Variants in QRSL1 observed in about 807,000 individuals in gnomAD.
QRSL1 encodes the protein glutaminyl-tRNA amidotransferase subunit QRSL1, also known as glutamyl-tRNA(Gln) amidotransferase subunit A, mitochondrial.
QRSL1 carries 54 observed loss-of-function variants against 61.6 expected under a neutral mutation model. The observed-to-expected ratio is 0.88, with a 90% CI of 0.70 to 1.10. The LOEUF is 1.10. Among genes scored for constraint, QRSL1 ranks in the 50% least tolerant of loss-of-function variants. The pLI, the probability that QRSL1 is intolerant of heterozygous loss-of-function variation, is 0.00. For missense variants in QRSL1, 505 were observed against 622.6 expected (o/e 0.81, Z 2.01); for synonymous variants, 228 against 225.7 (o/e 1.01, Z -0.09).
intron 9 of QRSL1, among the ~76,000 whole-genome samples, chr6:106,662,379 ATTAAT>A (rs1777371096): frequency 1.3e-5 from 2 of 152,170 alleles, no homozygotes; most frequent in South Asian, 2.1e-4. Flanking sequence ...ATTCGGATTG[ATTAAT>A]TTATATATAC....
intron 9 of QRSL1, among the ~76,000 whole-genome samples, chr6:106,662,489 CTTTT>C (rs34380610): frequency 7.0e-6 from 1 of 143,346 alleles, no homozygotes. Flanking sequence ...TCCAGTGGTT[CTTTT>C]TTTTTTTTTT....
In QRSL1 at chr6:106,646,253, A is replaced by G. The variant is rs1454052569; in HGVS notation, c.381-2772A>G. Reference sequence around the variant, plus strand: ...GGAAATTGCCTTCATCAGCTGATCAAAATTAACATCACCAGTGAGGGTGAA... The same window carrying G: ...GGAAATTGCCTTCATCAGCTGATCAGAATTAACATCACCAGTGAGGGTGAA... On this transcript the variant is annotated intron_variant, in intron 4 of 10. Coordinates refer to ENST00000369046, the MANE Select transcript of QRSL1 (RefSeq NM_018292.5). 2.6e-5 allele frequency among the ~76,000 whole-genome samples: 4 copies of G among 152,108 alleles called. No individual in the cohort carries two copies. The East Asian group carries it at 7.7e-4, about 29-fold the overall frequency.
intron 1 of QRSL1, among the ~76,000 whole-genome samples, chr6:106,630,805 A>AT (rs1310195914): frequency 1.3e-5 from 2 of 152,220 alleles, no homozygotes; most frequent in South Asian, 4.1e-4. Flanking sequence ...GCAGCGTGGA[A>AT]TTATAATTAT....
At chr6:106,664,028 C>A (rs1383882319) in intron 10 of QRSL1, among the ~76,000 whole-genome samples, 2 of 152,162 alleles carry the variant, frequency 1.3e-5, no homozygotes, top group Non-Finnish European at 2.9e-5. Flanking sequence ...CCCCTAAATT[C>A]TTTTGTACAA....
rs1776997051 is a variant in QRSL1, at chr6:106,640,277, C to T, written c.25-72C>T. 12 of 1,384,558 alleles carry T rather than the reference C, an allele frequency of 8.7e-6. No individual in the cohort carries two copies. The South Asian group carries it at 1.2e-4, about 14-fold the overall frequency. 85.8% of individuals were successfully genotyped at this position (1,384,558 alleles called of 1,614,324 possible). A position where few individuals can be genotyped will look rare whatever the true frequency, so the allele number is the denominator to read the frequency against. On this transcript the variant is annotated intron_variant, in intron 1 of 10. Coordinates refer to ENST00000369046, the MANE Select transcript of QRSL1 (RefSeq NM_018292.5). ...TTATACTTAGCCACTCCATCTCCCC[C>T]CACCCCCACCAATATAACAATTGAA...
chr6:106,638,259 T>C (rs1776954657), intron 1 of QRSL1, among the ~76,000 whole-genome samples: 1 of 152,152 alleles, frequency 6.6e-6, no homozygotes, highest in Non-Finnish European at 1.5e-5. Flanking sequence ...AACGCACTGC[T>C]CTCTTTTATT....
At chr6:106,647,713 C>T (rs56219495) in intron 4 of QRSL1, among the ~76,000 whole-genome samples, 1 of 120,802 alleles carries the variant, frequency 8.3e-6, no homozygotes, top group Admixed American at 9.2e-5. Flanking sequence ...TGCAGTGGCG[C>T]GATCTCGGCT....
intron 9 of QRSL1, among the ~76,000 whole-genome samples, chr6:106,657,185 C>T (rs1218507236): frequency 6.6e-6 from 1 of 151,988 alleles, no homozygotes; most frequent in African/African-American, 2.4e-5. Flanking sequence ...AGGAGAATCA[C>T]TTGAACCCGG....
intron 5 of QRSL1, among the ~76,000 whole-genome samples, chr6:106,650,715 A>T (rs1232203092): frequency 2.0e-5 from 3 of 152,198 alleles, no homozygotes; most frequent in Non-Finnish European, 4.4e-5. Flanking sequence ...TGCAGAACCC[A>T]TTTCTGTTAA....
At chr6:106,633,989 G>A (rs6933064) in intron 1 of QRSL1, among the ~76,000 whole-genome samples, 11,899 of 151,888 alleles carry the variant, frequency 0.078, 1,196 homozygotes, top group African/African-American at 0.22. Flanking sequence ...CAGGTAGTAT[G>A]AGTACTATGG....
chr6:106,639,119 G>GT (rs1177849683), intron 1 of QRSL1, among the ~76,000 whole-genome samples: 4,408 of 122,048 alleles, frequency 0.036, 480 homozygotes, highest in South Asian at 0.054. Flanking sequence ...GTGTTTTGTT[G>GT]TTTTTTTTTT....
intron 4 of QRSL1, among the ~76,000 whole-genome samples, chr6:106,646,812 A>G (rs1777112147): frequency 6.6e-6 from 1 of 151,802 alleles, no homozygotes; most frequent in South Asian, 2.1e-4. Flanking sequence ...GTGGATCACA[A>G]GGTCAGGAGA....
intron 7 of QRSL1, among the ~76,000 whole-genome samples, chr6:106,654,100 C>G (rs1418999303): frequency 2.0e-5 from 3 of 152,084 alleles, no homozygotes; most frequent in Non-Finnish European, 4.4e-5. Context: ...GCCTGTAATC[C>G]CAGCACTTTG....
intron 1 of QRSL1, among the ~76,000 whole-genome samples, chr6:106,632,896 G>T (rs995403382): frequency 1.3e-5 from 2 of 152,096 alleles, no homozygotes; most frequent in Non-Finnish European, 2.9e-5. Context: ...CTTCTTATCA[G>T]GCATTCATGC....
chr6:106,633,577 AT>A (rs144153429), intron 1 of QRSL1, among the ~76,000 whole-genome samples: 1 of 152,314 alleles, frequency 6.6e-6, no homozygotes, highest in East Asian at 1.9e-4. Flanking sequence ...AAAATGCCAA[AT>A]AGGTAAAATT....
In QRSL1 at chr6:106,668,337, C is replaced by CT. The variant is rs1175878463; in HGVS notation, c.*2335_*2336insT. On this transcript the variant is annotated 3_prime_UTR_variant, in exon 11 of 11. Transcript: ENST00000369046. ...TCTTAATCTAGTAGGTCTCATTTTG[C>CT]CAAGTCACTGTCTGGGAATTTAAGT... The CT allele has an allele frequency of 6.6e-6, 1 of 151,822 alleles. No individual in the cohort carries two copies. Among genetic ancestry groups the CT allele is most frequent in the East Asian group, 1.9e-4 (1 of 5,190 alleles). The allele number at this position is 151,822 out of a possible 1,614,324, so 9.4% of individuals were successfully genotyped here.
chr6:106,638,093 G>A (rs1776951952), intron 1 of QRSL1, among the ~76,000 whole-genome samples: 3 of 152,168 alleles, frequency 2.0e-5, no homozygotes, highest in Admixed American at 2.0e-4. Context: ...GAGAGAAAGT[G>A]GCAAATGCAG....
At chr6:106,654,588 A>G (rs1393609543) in intron 7 of QRSL1, 142 bp from the exon 8 acceptor site, 7 of 689,490 alleles carry the variant, frequency 1.0e-5, no homozygotes, top group East Asian at 2.8e-5. Flanking sequence ...GCTACCTACC[A>G]GCAATTTTAT....
chr6:106,641,062 C>A, intron 3 of QRSL1, 141 bp downstream of exon 3: 1 of 649,350 alleles, frequency 1.5e-6, no homozygotes, highest in Non-Finnish European at 2.5e-6. Context: ...TGTTTTTTTA[C>A]TATTTGCTCT....
Sources: gnomAD v4.1 joint callset for allele counts (sites outside exome capture counted in the v4.1 genomes callset) on GRCh38, gnomAD v4.1.1 for gene constraint, MANE v1.5 for transcripts, NCBI Gene and HGNC (gene_info 2026-07-23, HGNC 2026-07-21) for gene names.